MTRFR: variants seen among roughly 807,000 people sequenced by gnomAD.
MTRFR encodes the protein mitochondrial translation release factor in rescue, also known as probable peptide chain release factor C12orf65, mitochondrial.
Under a neutral mutation model 11.9 loss-of-function variants are expected in MTRFR, and 10 were observed. The ratio of observed to expected loss-of-function variants is 0.84; its 90% CI spans 0.52 to 1.42. The LOEUF is 1.42. Ranked by LOEUF, MTRFR falls within the 40% of genes most tolerant of loss-of-function variation. MTRFR has a pLI of 0.00. For missense variants in MTRFR, 196 were observed against 197.9 expected, an observed-to-expected ratio of 0.99 and a Z score of 0.06; for synonymous variants, 77 against 79.1, an observed-to-expected ratio of 0.97 and a Z score of 0.14.
chr12:123,241,158 G>T (rs1205950201), intron 1 of MTRFR, among the ~76,000 whole-genome samples: 79 of 132,626 alleles, frequency 6.0e-4, no homozygotes, highest in South Asian at 1.7e-3. Flanking sequence ...TTTTGTTTTT[G>T]TTTTTTTTTT....
In MTRFR at chr12:123,235,233, T is replaced by C. The variant is rs146950036; in HGVS notation, c.-29+1702T>C. Among the ~76,000 whole-genome samples the C allele has an allele frequency of 1.1e-3, 170 of 152,252 alleles. 1 individual carries two copies. Among genetic ancestry groups the C allele is most frequent in the African/African-American group, 3.8e-3 (158 of 41,554 alleles). ...GGTAGTAGTATCTCCATTCTACAGA[T>C]GAGGAATTAGAGCCAAAGTTACCCA... On this transcript the variant is annotated intron_variant, in intron 1 of 2. Coordinates refer to ENST00000253233, the MANE Select transcript of MTRFR (RefSeq NM_152269.5).
chr12:123,253,992 G>T, intron 2 of MTRFR, 36 bp downstream of exon 2: 1 of 1,610,314 alleles, frequency 6.2e-7, no homozygotes, highest in Non-Finnish European at 8.5e-7. Context: ...GAGAGGCCCC[G>T]CCCAAGGGTT....
chr12:123,240,548 T>TG, intron 1 of MTRFR: 1 of 151,620 alleles, frequency 6.6e-6, no homozygotes, highest in Middle Eastern at 3.4e-3. Context: ...TTAGTTTTAA[T>TG]GAAGTTTCTG....
chr12:123,256,782 T>C (rs200613255), intron 2 of MTRFR, 31 bp from the exon 3 acceptor site: 52 of 1,560,774 alleles, frequency 3.3e-5, no homozygotes, highest in Admixed American at 2.7e-4. Context: ...CATCCTGTGG[T>C]TTTCACATTA....
chr12:123,245,369 A>G (rs2048024609), intron 1 of MTRFR, among the ~76,000 whole-genome samples: 1 of 151,976 alleles, frequency 6.6e-6, no homozygotes, highest in South Asian at 2.1e-4. Context: ...TGTGGGCTCT[A>G]TTTTGGTTCC....
intron 1 of MTRFR, among the ~76,000 whole-genome samples, chr12:123,245,956 G>A (rs1273947710): frequency 1.3e-5 from 2 of 152,186 alleles, no homozygotes; most frequent in Non-Finnish European, 2.9e-5. Context: ...GAGAAGTGGT[G>A]AGAGTAGGAA....
Position 123,253,930 on chromosome 12 carries a change from C to A in MTRFR, c.256C>A (p.His86Asn). The change falls in exon 2 of 3, where the codon CAC becomes AAC. Residue 86 changes from histidine to asparagine, a missense_variant. By Grantham distance (68) the His-to-Asn change is moderately conservative. Transcript: ENST00000253233. ...NKTSNCVVLK[H>N]IPSGIVVKCH... The stretch of plus-strand genomic sequence containing the variant: ...AACCAGCAACTGCGTGGTGCTGAAG[C>A]ACATCCCCTCAGGCATCGTTGTAAA... 6.2e-7 allele frequency: 1 copy of A among 1,614,220 alleles called. No homozygotes were observed. Among genetic ancestry groups the A allele is most frequent in the South Asian group, 1.1e-5 (1 of 91,090 alleles).
At chr12:123,240,509 T>C (rs1211871663) in intron 1 of MTRFR, 2 of 151,554 alleles carry the variant, frequency 1.3e-5, no homozygotes, top group Middle Eastern at 3.4e-3. Context: ...GCACACTGTT[T>C]CAGTTAGTCT....
chr12:123,240,676 G>A (rs190842030), intron 1 of MTRFR: 43 of 147,046 alleles, frequency 2.9e-4, no homozygotes, highest in East Asian at 2.6e-3. Context: ...TCCAGAGATT[G>A]ACATCTCATG....
intron 1 of MTRFR, among the ~76,000 whole-genome samples, chr12:123,246,095 T>C (rs899842209): frequency 7.2e-5 from 11 of 152,174 alleles, no homozygotes; most frequent in Admixed American, 2.6e-4. Context: ...TCTCGCTCTG[T>C]CACCCAGGCT....
In MTRFR at chr12:123,239,908, C is replaced by G. The variant is rs1465565517; in HGVS notation, c.-29+6377C>G. Among the ~76,000 whole-genome samples, 8 of 152,262 alleles carry G rather than the reference C, an allele frequency of 5.3e-5. No homozygotes were observed. The East Asian group carries it at 1.4e-3, about 26-fold the overall frequency. On this transcript the variant is annotated intron_variant, in intron 1 of 2. Transcript: ENST00000253233. ...CTCCCATCACACTCCTTTACACCTT[C>G]TCAGCCTTCACCATTGCCATCATGA...
chr12:123,242,306 AG>A (rs1398942189), intron 1 of MTRFR, among the ~76,000 whole-genome samples: 1 of 152,160 alleles, frequency 6.6e-6, no homozygotes, highest in African/African-American at 2.4e-5. Flanking sequence ...CGTTTGAAGA[AG>A]GGAACTGGGG....
chr12:123,253,951 G>GT lies in MTRFR; in HGVS notation c.278dup (p.Cys95ValfsTer8), dbSNP rs1230647774. 1 of 1,614,180 alleles carries GT rather than the reference G, an allele frequency of 6.2e-7. No homozygotes were observed. Among genetic ancestry groups the GT allele is most frequent in the South Asian group, 1.1e-5 (1 of 91,084 alleles). On this transcript the variant is annotated frameshift_variant, in exon 2 of 3. Coordinates refer to ENST00000253233, the MANE Select transcript of MTRFR (RefSeq NM_152269.5). LOFTEE classifies it high-confidence loss of function. ...GAAGCACATCCCCTCAGGCATCGTT[G>GT]TAAAGGTAGATCACAGAAGGCCGCT...
At chr12:123,233,943 A>C (rs1417069740) in intron 1 of MTRFR, 1 of 151,446 alleles carries the variant, frequency 6.6e-6, no homozygotes, top group Non-Finnish European at 1.5e-5. Context: ...TGCCCTTGCT[A>C]GGCTTTTGCG....
chr12:123,238,971 T>C (rs2047891012), intron 1 of MTRFR, among the ~76,000 whole-genome samples: 1 of 152,044 alleles, frequency 6.6e-6, no homozygotes, highest in Non-Finnish European at 1.5e-5. Context: ...AAAAAGAATA[T>C]CTCAATTTTA....
chr12:123,248,462 G>A (rs147549807), intron 1 of MTRFR: 134 of 157,044 alleles, frequency 8.5e-4, no homozygotes, highest in African/African-American at 2.5e-3. Context: ...CTTCAAGAAT[G>A]AAGCCACGGA....
At chr12:123,253,230 T>G (rs140285714) in intron 1 of MTRFR, among the ~76,000 whole-genome samples, 16 of 151,376 alleles carry the variant, frequency 1.1e-4, no homozygotes, top group Non-Finnish European at 2.2e-4. Context: ...TTAGTAGAGA[T>G]AGTTTCATCA....
At chr12:123,233,281 T>TGAC (rs1447389237), upstream of MTRFR, 1 of 151,238 alleles carries the variant, frequency 6.6e-6, no homozygotes, top group East Asian at 1.9e-4. Context: ...CCCGGGGGAG[T>TGAC]GACAAGGGGG....
intron 1 of MTRFR, among the ~76,000 whole-genome samples, chr12:123,245,305 C>T (rs2048023252): frequency 6.6e-6 from 1 of 152,166 alleles, no homozygotes; most frequent in Non-Finnish European, 1.5e-5. Context: ...AGTTTGAAAT[C>T]AGGTAATATG....
Sources: allele counts gnomAD v4.1 joint callset (sites outside exome capture counted in the v4.1 genomes callset), GRCh38; gene constraint gnomAD v4.1.1; transcripts MANE v1.5; gene names NCBI Gene and HGNC (gene_info 2026-07-23, HGNC 2026-07-21).